PKHD1: variants seen among roughly 807,000 people sequenced by gnomAD.
The protein encoded by PKHD1 is fibrocystin.
Under a neutral mutation model 412.0 loss-of-function variants are expected in PKHD1, and 291 were observed. The observed-to-expected ratio is 0.71, with a 90% CI of 0.64 to 0.78. PKHD1 has a LOEUF of 0.78. Among genes scored for constraint, PKHD1 ranks in the 30% least tolerant of loss-of-function variants. PKHD1 has a pLI of 0.00. For synonymous variants in PKHD1, 1,777 were observed against 1,821.5 expected (o/e 0.98, Z 0.62); for missense variants, 4,825 against 4,950.7 (o/e 0.97, Z 0.76).
rs945854910 is a variant in PKHD1 at position 51,966,670 on chromosome 6, T to C, written c.5752-6644A>G. The stretch of plus-strand genomic sequence containing the variant: ...TACTTTCCAGGAACTACAGAGTAGA[T>C]GGATCCCTGCCTTCAACAAATGTTT... On this transcript the variant is annotated intron_variant, in intron 35 of 66. Transcript: ENST00000371117. Among the ~76,000 whole-genome samples the C allele has an allele frequency of 2.6e-5, 4 of 152,192 alleles. No individual in the cohort carries two copies. The South Asian group carries it at 8.3e-4, about 31-fold the overall frequency.
intron 52 of PKHD1, among the ~76,000 whole-genome samples, chr6:51,794,173 A>G (rs964314639): frequency 2.0e-5 from 3 of 151,146 alleles, no homozygotes; most frequent in African/African-American, 7.3e-5. Context: ...AGTAGCTGGG[A>G]CTACAGGTGT....
intron 64 of PKHD1, among the ~76,000 whole-genome samples, chr6:51,634,118 T>A (rs1313090849): frequency 6.6e-6 from 1 of 152,182 alleles, no homozygotes; most frequent in Non-Finnish European, 1.5e-5. Context: ...AAGCAGCTCA[T>A]TCAAAACAAA....
At chr6:51,671,086 T>G (rs185788788) in intron 60 of PKHD1, among the ~76,000 whole-genome samples, 108 of 152,288 alleles carry the variant, frequency 7.1e-4, no homozygotes, top group Middle Eastern at 3.4e-3. Flanking sequence ...TGAATCTGAA[T>G]GTTGGCCTGC....
At chr6:52,039,796 T>C (rs1409547220) in intron 27 of PKHD1, among the ~76,000 whole-genome samples, 10 of 152,172 alleles carry the variant, frequency 6.6e-5, no homozygotes, top group Admixed American at 3.9e-4. Context: ...CTGCAAATCA[T>C]TGTACACAAA....
intron 43 of PKHD1, among the ~76,000 whole-genome samples, chr6:51,901,152 G>A (rs1781209495): frequency 6.6e-6 from 1 of 152,166 alleles, no homozygotes; most frequent in Admixed American, 6.5e-5. Context: ...ATTTGACCCA[G>A]CCATCCCATT....
chr6:51,925,792 T>C (rs891457995), intron 37 of PKHD1, among the ~76,000 whole-genome samples: 1 of 151,142 alleles, frequency 6.6e-6, no homozygotes, highest in African/African-American at 2.4e-5. Flanking sequence ...CTCTCTCCCT[T>C]CCTCTCTCTC....
chr6:51,916,820 A>G (rs1783880351), intron 37 of PKHD1, among the ~76,000 whole-genome samples: 1 of 152,118 alleles, frequency 6.6e-6, no homozygotes, highest in Non-Finnish European at 1.5e-5. Flanking sequence ...GCTAAATGAA[A>G]AAGGACTATG....
intron 63 of PKHD1, among the ~76,000 whole-genome samples, chr6:51,639,920 CTG>C (rs1266504952): frequency 6.6e-6 from 1 of 151,996 alleles, no homozygotes; most frequent in Non-Finnish European, 1.5e-5. Context: ...TGTGAAAACA[CTG>C]TCTTTCTTCA....
rs115089832 is a variant in PKHD1, at chr6:52,052,359, G to A, written c.2140+717C>T. On this transcript the variant is annotated intron_variant, in intron 21 of 66. Coordinates refer to ENST00000371117, the MANE Select transcript of PKHD1 (RefSeq NM_138694.4). ...GGAGGACTTTGTCCCTAAGACTAGC[G>A]GGCAAGAGCCAGGTGAGACCACTGT... Among the ~76,000 whole-genome samples, 465 of 152,308 alleles carry A rather than the reference G, an allele frequency of 3.1e-3. 3 individuals are homozygous for A. Among genetic ancestry groups the A allele is most frequent in the African/African-American group, 0.011 (452 of 41,572 alleles).
intron 52 of PKHD1, among the ~76,000 whole-genome samples, chr6:51,811,686 G>C (rs1764707697): frequency 6.6e-6 from 1 of 152,080 alleles, no homozygotes; most frequent in Non-Finnish European, 1.5e-5. Context: ...ACAGGGTGTT[G>C]TGAGGATTCC....
intron 53 of PKHD1, among the ~76,000 whole-genome samples, chr6:51,780,864 G>A (rs912528200): frequency 6.6e-6 from 1 of 152,094 alleles, no homozygotes; most frequent in Admixed American, 6.6e-5. Context: ...CTATTTTCCA[G>A]GTGCTAGTCA....
At chr6:51,941,249 T>G (rs1256131153) in intron 36 of PKHD1, among the ~76,000 whole-genome samples, 2 of 122,184 alleles carry the variant, frequency 1.6e-5, no homozygotes, top group South Asian at 2.9e-4. Flanking sequence ...TTTTTTTTTT[T>G]TTTTTTTTTT....
chr6:51,826,761 G>A lies in PKHD1; in HGVS notation c.8302+4100C>T, dbSNP rs935366230. On this transcript the variant is annotated intron_variant, in intron 52 of 66. Coordinates refer to ENST00000371117, the MANE Select transcript of PKHD1 (RefSeq NM_138694.4). ...ATAATACCACAGAGAAGAATTTACA[G>A]TTCTTTCAAAATCCAATGTCCATAA... 3.3e-5 allele frequency among the ~76,000 whole-genome samples: 5 copies of A among 152,188 alleles called. No individual in the cohort carries two copies. In the South Asian group the frequency reaches 1.0e-3, roughly 32 times the overall value.
intron 37 of PKHD1, among the ~76,000 whole-genome samples, chr6:51,926,989 C>G (rs897685166): frequency 6.6e-6 from 1 of 152,136 alleles, no homozygotes; most frequent in Non-Finnish European, 1.5e-5. Flanking sequence ...GATGTTAACT[C>G]AACTGTGTAA....
intron 50 of PKHD1, 107 bp downstream of exon 50, chr6:51,847,668 T>C: frequency 1.2e-6 from 1 of 845,204 alleles, no homozygotes; most frequent in East Asian, 2.4e-5. Flanking sequence ...CACACAGCTG[T>C]CCCTTTCAGT....
intron 49 of PKHD1, among the ~76,000 whole-genome samples, chr6:51,848,311 G>T (rs1771582250): frequency 6.6e-6 from 1 of 152,196 alleles, no homozygotes; most frequent in South Asian, 2.1e-4. Flanking sequence ...AAGAGACAAG[G>T]CCAGGTCTAG....
At chr6:51,865,899 A>G (rs942771802) in intron 48 of PKHD1, among the ~76,000 whole-genome samples, 3 of 152,192 alleles carry the variant, frequency 2.0e-5, no homozygotes, top group African/African-American at 7.2e-5. Context: ...CTGAGCACAA[A>G]TAGCTAGGGA....
chr6:51,929,011 T>A (rs1233235380), intron 37 of PKHD1, among the ~76,000 whole-genome samples: 1 of 152,162 alleles, frequency 6.6e-6, no homozygotes, highest in Non-Finnish European at 1.5e-5. Flanking sequence ...CTCTGGTTTG[T>A]ATCTAGCTCA....
chr6:51,883,283 T>G, intron 45 of PKHD1, 56 bp from the exon 46 acceptor site: 1 of 1,452,064 alleles, frequency 6.9e-7, no homozygotes. Context: ...TCTTGCGGAC[T>G]TCCTGTAGCT....
Sources: allele counts gnomAD v4.1 joint callset (sites outside exome capture counted in the v4.1 genomes callset), GRCh38; gene constraint gnomAD v4.1.1; transcripts MANE v1.5; gene names NCBI Gene and HGNC (gene_info 2026-07-23, HGNC 2026-07-21).